GLIS3: variants seen among roughly 807,000 people sequenced by gnomAD.
GLIS3 encodes zinc finger protein GLIS3.
Under a neutral mutation model 78.6 loss-of-function variants are expected in GLIS3, and 53 were observed. The observed-to-expected ratio is 0.67, with a 90% confidence interval of 0.54 to 0.85. The LOEUF (loss-of-function observed/expected upper bound fraction) is 0.85, where lower values mean the gene tolerates loss of function less well. Ranked by LOEUF, GLIS3 falls within the 40% of genes least tolerant of loss-of-function variation. The probability of loss-of-function intolerance (pLI) is 0.00; values close to 1 mark genes in which losing one functional copy is unlikely to be tolerated. For missense variants in GLIS3, 1,703 were observed against 1,231.1 expected (o/e 1.38, Z -5.74); for synonymous variants, 684 against 509.9 (o/e 1.34, Z -4.60).
At chr9:4,181,623 T>G (rs976372589) in intron 2 of GLIS3, among the ~76,000 whole-genome samples, 1 of 152,256 alleles carries the variant, frequency 6.6e-6, no homozygotes, top group African/African-American at 2.4e-5. Context: ...CACATGCAAG[T>G]GACTTTGCTA....
At chr9:4,055,506 A>C (rs1826071135) in intron 4 of GLIS3, among the ~76,000 whole-genome samples, 1 of 152,192 alleles carries the variant, frequency 6.6e-6, no homozygotes, top group African/African-American at 2.4e-5. Flanking sequence ...TGAGATGCAC[A>C]AAAGCTTAAA....
chr9:4,407,219 C>T, the GLIS3 span, among the ~76,000 whole-genome samples: 2 of 152,224 alleles, frequency 1.3e-5, no homozygotes, highest in East Asian at 3.8e-4. Flanking sequence ...ATAAGTGACA[C>T]TGGGAAAACT....
At chr9:4,047,335 T>C (rs1481386792) in intron 4 of GLIS3, among the ~76,000 whole-genome samples, 1 of 152,182 alleles carries the variant, frequency 6.6e-6, no homozygotes. Context: ...AATTACCCAG[T>C]CTCAGGTAGT....
chr9:4,408,198 C>A, the GLIS3 span, among the ~76,000 whole-genome samples: 1 of 152,036 alleles, frequency 6.6e-6, no homozygotes, highest in Non-Finnish European at 1.5e-5. Context: ...CTACGGAGAA[C>A]AGCATGGAGG....
At chr9:3,890,624 TAGAAAA>T (rs1434051375) in intron 7 of GLIS3, among the ~76,000 whole-genome samples, 13 of 152,106 alleles carry the variant, frequency 8.5e-5, no homozygotes, top group Admixed American at 6.6e-4. Flanking sequence ...ATTATTATTA[TAGAAAA>T]GGAAAAGTAA....
intron 4 of GLIS3, among the ~76,000 whole-genome samples, chr9:4,074,476 A>G (rs1349425959): frequency 1.3e-5 from 2 of 152,206 alleles, no homozygotes; most frequent in Non-Finnish European, 2.9e-5. Context: ...ACAAATTTCC[A>G]TCCCGGTTCT....
intron 4 of GLIS3, among the ~76,000 whole-genome samples, chr9:3,972,917 G>A (rs150143283): frequency 7.6e-4 from 116 of 152,124 alleles, no homozygotes; most frequent in Middle Eastern, 3.4e-3. Flanking sequence ...CTCTTCTGAC[G>A]CTGATTGCAA....
chr9:3,905,889 T>C (rs1351787511), intron 6 of GLIS3, among the ~76,000 whole-genome samples: 3 of 152,104 alleles, frequency 2.0e-5, no homozygotes, highest in East Asian at 1.9e-4. Flanking sequence ...TCATACTCTG[T>C]AGGGATGATG....
At chr9:3,964,226 C>A (rs1045970644) in intron 4 of GLIS3, among the ~76,000 whole-genome samples, 1 of 152,172 alleles carries the variant, frequency 6.6e-6, no homozygotes, top group African/African-American at 2.4e-5. Context: ...TCTCACATAG[C>A]CTTTTGTAGA....
intron 2 of GLIS3, among the ~76,000 whole-genome samples, chr9:4,140,247 C>G (rs1833709359): frequency 6.6e-6 from 1 of 152,084 alleles, no homozygotes. Context: ...TTGCTTGAAC[C>G]TGGGAGGTCA....
the GLIS3 span, among the ~76,000 whole-genome samples, chr9:4,361,752 C>G: frequency 2.0e-5 from 3 of 152,206 alleles, no homozygotes; most frequent in Non-Finnish European, 4.4e-5. Context: ...TCCTAACCAC[C>G]TTTCCTTACC....
intron 3 of GLIS3, among the ~76,000 whole-genome samples, chr9:4,309,434 C>T (rs545299638): frequency 6.6e-6 from 1 of 152,176 alleles, no homozygotes; most frequent in Non-Finnish European, 1.5e-5. Context: ...GTATAAGTAA[C>T]AGGAATTGTG....
chr9:3,953,423 G>C (rs1334468876), intron 4 of GLIS3, among the ~76,000 whole-genome samples: 4 of 152,068 alleles, frequency 2.6e-5, no homozygotes, highest in Non-Finnish European at 5.9e-5. Flanking sequence ...AGCCACTGTG[G>C]ATAGACTAAA....
At chr9:3,862,911 G>A (rs1820314627) in intron 8 of GLIS3, among the ~76,000 whole-genome samples, 1 of 42,122 alleles carries the variant, frequency 2.4e-5, no homozygotes, top group Admixed American at 1.7e-4. Context: ...TGGATTTGGG[G>A]AGGTATTTTT....
chr9:4,041,902 C>T (rs969868718), intron 4 of GLIS3, among the ~76,000 whole-genome samples: 1 of 152,080 alleles, frequency 6.6e-6, no homozygotes, highest in African/African-American at 2.4e-5. Context: ...TCCAGGTGTA[C>T]TCTTATGCCC....
chr9:4,180,985 G>A lies in GLIS3; in HGVS notation c.389-55044C>T, dbSNP rs150988842. On this transcript the variant is annotated intron_variant, in intron 2 of 10. Coordinates refer to ENST00000381971, the MANE Select transcript of GLIS3 (RefSeq NM_001042413.2). The stretch of plus-strand genomic sequence containing the variant: ...CTATTTTGGAGGTGGGGAACAAGGG[G>A]CTAACAAATGCCCTTGGATGTTGAA... 2.6e-5 allele frequency among the ~76,000 whole-genome samples: 4 copies of A among 152,274 alleles called. No homozygotes were observed. In the East Asian group the frequency reaches 5.8e-4, roughly 22 times the overall value.
chr9:4,251,907 T>C (rs1824431220), intron 2 of GLIS3, among the ~76,000 whole-genome samples: 1 of 152,206 alleles, frequency 6.6e-6, no homozygotes, highest in Non-Finnish European at 1.5e-5. Flanking sequence ...GAAAATTCTT[T>C]CCTTTAAGAA....
At chr9:4,006,975 G>A (rs1233274046) in intron 4 of GLIS3, among the ~76,000 whole-genome samples, 1 of 152,194 alleles carries the variant, frequency 6.6e-6, no homozygotes, top group Non-Finnish European at 1.5e-5. Flanking sequence ...TGTCATTGAG[G>A]TATTTTGCTG....
At chr9:3,942,525 CA>C (rs1816001882) in intron 4 of GLIS3, among the ~76,000 whole-genome samples, 1 of 152,196 alleles carries the variant, frequency 6.6e-6, no homozygotes, top group Non-Finnish European at 1.5e-5. Context: ...CACGTACCTT[CA>C]AAAGCTGTAA....
Sources: gnomAD v4.1 joint callset for allele counts (sites outside exome capture counted in the v4.1 genomes callset) on GRCh38, gnomAD v4.1.1 for gene constraint, MANE v1.5 for transcripts, NCBI Gene and HGNC (gene_info 2026-07-23, HGNC 2026-07-21) for gene names.